The following GPR179 variants were observed in gnomAD, a reference collection of about 807,000 sequenced individuals.
GPR179 encodes probable G protein-coupled receptor 179.
Under a neutral mutation model 70.8 loss-of-function variants are expected in GPR179, and 52 were observed. That is an observed-to-expected ratio of 0.73 (90% CI 0.59 to 0.93). The LOEUF (loss-of-function observed/expected upper bound fraction) is 0.93, where lower values mean the gene tolerates loss of function less well. GPR179 is among the 40% of genes least tolerant of loss of function. The pLI is 0.00. For missense variants in GPR179, 2,734 were observed against 2,966.8 expected, an observed-to-expected ratio of 0.92 and a Z score of 1.82; for synonymous variants, 1,123 against 1,169.0, an observed-to-expected ratio of 0.96 and a Z score of 0.80.
At chr17:38,335,737 T>C (rs748951627) in intron 5 of GPR179, 37 bp from the exon 6 acceptor site, 1 of 1,388,424 alleles carries the variant, frequency 7.2e-7, no homozygotes, top group Admixed American at 1.7e-5. Context: ...CTCTCTACTA[T>C]GCTTCTGCTG....
rs756835390 is a variant in GPR179 at position 38,343,805 on chromosome 17, C to T, written c.-16G>A. On this transcript the variant is annotated 5_prime_UTR_variant, in exon 1 of 11. Transcript: ENST00000616987. This position sits in a 1 kb window ranked among gnomAD's most constrained non-coding sequence, Gnocchi z 4.2. ...TGGTGCCCATCCTTGGGGCAGCTCT[C>T]AGGACCCTGGGGTCCAGGCTCAGGA... 6.7e-7 allele frequency: 1 copy of T among 1,483,266 alleles called. No homozygotes were observed. Among genetic ancestry groups the T allele is most frequent in the South Asian group, 1.4e-5 (1 of 72,768 alleles). 91.9% of individuals were successfully genotyped at this position (1,483,266 alleles called of 1,614,324 possible).
intron 3 of GPR179, 39 bp from the exon 4 acceptor site, chr17:38,337,252 C>A: frequency 6.5e-7 from 1 of 1,545,470 alleles, no homozygotes; most frequent in Non-Finnish European, 8.7e-7. Flanking sequence ...AGGGGCCCAG[C>A]TAGAGCATCC....
Position 38,343,120 on chromosome 17 carries a change from T to G in GPR179, c.670A>C (p.Thr224Pro). 1 of 1,614,186 alleles carries G rather than the reference T, an allele frequency of 6.2e-7. No individual in the cohort carries two copies. The highest frequency in any genetic ancestry group is 8.5e-7 in the Non-Finnish European group (1 of 1,180,020). Residue 224 changes from threonine (T) to proline (P), a missense_variant, in exon 1 of 11, where the codon ACG (threonine) becomes CCG (proline). Transcript: ENST00000616987. This position sits in a 1 kb window ranked among gnomAD's most constrained non-coding sequence, Gnocchi z 4.2. ...GGAGGAGACAGCCTCACCTGCTGCG[T>G]GTCCCCCACATATCCATCTGCCTGC... is the stretch of plus-strand genomic sequence containing the variant. ...WPQADGYVGD[T>P]QQVRLSPPFL... is the part of the protein sequence containing the mutation.
intron 5 of GPR179, 143 bp from the exon 6 acceptor site, chr17:38,335,843 T>C: frequency 1.5e-6 from 1 of 677,840 alleles, no homozygotes; most frequent in Non-Finnish European, 2.7e-6. Flanking sequence ...AGCTGAAGTG[T>C]CAAAGAAGTT....
rs1321085217 is a variant in GPR179, at chr17:38,339,476, A to T, written c.844T>A (p.Cys282Ser). 1 of 1,613,954 alleles carries T rather than the reference A, an allele frequency of 6.2e-7. No homozygotes were observed. The highest frequency in any genetic ancestry group is 8.5e-7 in the Non-Finnish European group (1 of 1,179,994). Reference protein sequence around the residue: ...VDLQSVDINQCASGPGWYSNT... With the variant: ...VDLQSVDINQSASGPGWYSNT... Reference sequence around the variant, plus strand: ...GAGTACCAGCCTGGGCCACTTGCACACTGATTGATGTCCACACTCTGGAGA... The same window carrying T: ...GAGTACCAGCCTGGGCCACTTGCACTCTGATTGATGTCCACACTCTGGAGA... The change falls in exon 2 of 11, where the codon TGT becomes AGT. Residue 282 changes from cysteine to serine, a missense_variant. By Grantham distance (112) the Cys-to-Ser change is moderately radical (BLOSUM62 -1). Coordinates refer to ENST00000616987, the MANE Select transcript of GPR179 (RefSeq NM_001004334.4).
chr17:38,338,900 A>T (rs775102290), intron 2 of GPR179, among the ~76,000 whole-genome samples: 2 of 152,128 alleles, frequency 1.3e-5, no homozygotes, highest in Non-Finnish European at 2.9e-5. Context: ...GTTCCATCAC[A>T]TTCACTGGTC....
intron 1 of GPR179, among the ~76,000 whole-genome samples, chr17:38,340,713 T>C (rs375278430): frequency 2.6e-5 from 4 of 151,422 alleles, no homozygotes; most frequent in East Asian, 3.9e-4. Flanking sequence ...AGACCAGGAG[T>C]TCGAGACCAG....
At position 38,327,461 on chromosome 17, in the gene GPR179, A is replaced by G; in HGVS notation, c.6108T>C (p.Asp2036=). Reference sequence around the variant, plus strand: ...TCTCTTCTTGAGAGTCCCCTTTTCCATCCTGCCTTGACACCCCTTTGACAG... The same window carrying G: ...TCTCTTCTTGAGAGTCCCCTTTTCCGTCCTGCCTTGACACCCCTTTGACAG... The part of the protein sequence containing the change: ...RIPVKGVSRQ[D]GKGDSQEEKG... The change falls in exon 11 of 11, where the codon GAT becomes GAC. Residue 2036 remains aspartate, a synonymous_variant. Coordinates refer to ENST00000616987, the MANE Select transcript of GPR179 (RefSeq NM_001004334.4). 6.2e-7 allele frequency: 1 copy of G among 1,613,918 alleles called. No individual in the cohort carries two copies. Among genetic ancestry groups the G allele is most frequent in the Non-Finnish European group, 8.5e-7 (1 of 1,179,980 alleles).
intron 1 of GPR179, among the ~76,000 whole-genome samples, chr17:38,342,117 G>A (rs1038706074): frequency 1.4e-5 from 2 of 146,502 alleles, no homozygotes; most frequent in African/African-American, 2.5e-5. Context: ...ACTCTGTCTT[G>A]AAAAAAAAAA....
chr17:38,335,607 T>C lies in GPR179; in HGVS notation c.1390A>G (p.Ile464Val), dbSNP rs574344736. 1.2e-6 allele frequency: 2 copies of C among 1,612,958 alleles called. No individual in the cohort carries two copies. Among genetic ancestry groups the C allele is most frequent in the African/African-American group, 1.3e-5 (1 of 74,990 alleles). ...LGFAIVYGTIILKLYRVLQLF... is the reference protein window; with the variant it reads ...LGFAIVYGTIVLKLYRVLQLF... The stretch of plus-strand genomic sequence containing the variant: ...AGGCCGTACCTGTAAAGCTTGAGTA[T>C]GATGGTGCCGTAGACGATGGCAAAA... The change falls in exon 6 of 11, where the codon ATA (isoleucine) becomes GTA (valine). Residue 464 changes from isoleucine to valine, a missense_variant. Ile to Val is a conservative substitution (Grantham distance 29). Transcript: ENST00000616987.
At position 38,326,883 on chromosome 17, in the gene GPR179, G is replaced by C; in HGVS notation, c.6686C>G (p.Pro2229Arg). Residue 2229 changes from proline (P) to arginine (R), a missense_variant, in exon 11 of 11, where the codon CCA becomes CGA. By Grantham distance (103) the Pro-to-Arg change is moderately radical (BLOSUM62 -2). Transcript: ENST00000616987. ...GGTACCCTTTATTTTATTTCCTTCTGGATCTGTGATTTCCCATTGGCACAG... is the reference window on the plus strand; with the variant it reads ...GGTACCCTTTATTTTATTTCCTTCTCGATCTGTGATTTCCCATTGGCACAG... ...AELCQWEITDPEGNKIKGTMA... is the reference protein window; with the variant it reads ...AELCQWEITDREGNKIKGTMA... 4 of 1,614,116 alleles carry C rather than the reference G, an allele frequency of 2.5e-6. No homozygotes were observed. In the South Asian group the frequency reaches 3.3e-5, roughly 13 times the overall value.
chr17:38,331,295 G>A lies in GPR179; in HGVS notation c.2274C>T (p.Ser758=), dbSNP rs1421324604. ...CTGGTGTCCCCTCGGGTTCCTGGAG[G>A]CTGGAGCTGAGGAGCCGGCGGCGGG... The part of the protein sequence containing the change: ...GSSRRRLLSS[S]LQEPEGTPAL... The change falls in exon 11 of 11, where the codon AGC becomes AGT. Residue 758 remains serine, a synonymous_variant. Transcript: ENST00000616987. The A allele has an allele frequency of 1.2e-6, 2 of 1,601,204 alleles. No homozygotes were observed. The highest frequency in any genetic ancestry group is 1.3e-5 in the African/African-American group (1 of 74,854).
At position 38,325,260 on chromosome 17, in the gene GPR179, A is replaced by G. The variant is rs889796254; in HGVS notation, c.*1205T>C. Among the ~76,000 whole-genome samples, 6 of 152,192 alleles carry G rather than the reference A, an allele frequency of 3.9e-5. No individual in the cohort carries two copies. Among genetic ancestry groups the G allele is most frequent in the African/African-American group, 1.4e-4 (6 of 41,452 alleles). On this transcript the variant is annotated 3_prime_UTR_variant, in exon 11 of 11. Coordinates refer to ENST00000616987, the MANE Select transcript of GPR179 (RefSeq NM_001004334.4). The stretch of plus-strand genomic sequence containing the variant: ...ACGAGAGAAGGGAGCCAAGAAAGAG[A>G]GAGCTCCCTAAGAAAGAAGGCTTTG...
At position 38,328,450 on chromosome 17, in the gene GPR179, A is replaced by G. The variant is rs769294419; in HGVS notation, c.5119T>C (p.Trp1707Arg). The G allele has an allele frequency of 1.9e-6, 3 of 1,614,062 alleles. No homozygotes were observed. The highest frequency in any genetic ancestry group is 3.3e-5 in the Admixed American group (2 of 59,996). Residue 1707 changes from tryptophan (W) to arginine (R), a missense_variant, in exon 11 of 11, where the codon TGG (tryptophan) becomes CGG (arginine). By Grantham distance (101) the Trp-to-Arg change is moderately radical (BLOSUM62 -3). Transcript: ENST00000616987. ...LTAGKAEICP[W>R]EVGAGAGEER... is the part of the protein sequence containing the mutation. ...TCCCCTGCTCCAGCACCCACCTCCC[A>G]GGGACAGATTTCTGCCTTCCCAGCA... is the stretch of plus-strand genomic sequence containing the variant.
Position 38,335,279 on chromosome 17 carries a change from G to T in GPR179, c.1407-8C>A. Reference sequence around the variant, plus strand: ...AGAAACAGCTGCAGCACTCTGCGAGGGTTAGAATACACAGGGTGGATGGCA... The same window carrying T: ...AGAAACAGCTGCAGCACTCTGCGAGTGTTAGAATACACAGGGTGGATGGCA... On this transcript the variant is annotated splice_region_variant and splice_polypyrimidine_tract_variant and intron_variant, in intron 6 of 10. Coordinates refer to ENST00000616987, the MANE Select transcript of GPR179 (RefSeq NM_001004334.4). 1 of 1,544,316 alleles carries T rather than the reference G, an allele frequency of 6.5e-7. No individual in the cohort carries two copies. The highest frequency in any genetic ancestry group is 8.8e-7 in the Non-Finnish European group (1 of 1,141,968).
chr17:38,335,123 G>A lies in GPR179; in HGVS notation c.1555C>T (p.His519Tyr). 6.2e-7 allele frequency: 1 copy of A among 1,607,696 alleles called. No homozygotes were observed. The highest frequency in any genetic ancestry group is 8.5e-7 in the Non-Finnish European group (1 of 1,177,394). Residue 519 changes from histidine to tyrosine, a missense_variant, in exon 7 of 11, where the codon CAC becomes TAC. Transcript: ENST00000616987. ...TGGCCTCGGATCACCAGAGGTGCGT[G>A]CTGGATGCCTCGCTCCAGGGCGCCC... ...TVGALERGIQ[H>Y]APLVIRGHTP...
At chr17:38,336,858 T>C in intron 4 of GPR179, 120 bp downstream of exon 4, 1 of 1,029,622 alleles carries the variant, frequency 9.7e-7, no homozygotes, top group South Asian at 1.6e-5. Context: ...TGCTACACAG[T>C]GAGTTAGATT....
Position 38,331,543 on chromosome 17 carries a change from C to G in GPR179, c.2038-12G>C, listed in dbSNP as rs1401766102. 4.4e-6 allele frequency: 7 copies of G among 1,588,708 alleles called. No individual in the cohort carries two copies. The highest frequency in any genetic ancestry group is 6.0e-6 in the Non-Finnish European group (7 of 1,164,164). On this transcript the variant is annotated splice_polypyrimidine_tract_variant and intron_variant, in intron 10 of 10. Coordinates refer to ENST00000616987, the MANE Select transcript of GPR179 (RefSeq NM_001004334.4). ...TTCTTCAGCTCGTCCTGTGGGGCAG[C>G]AGGGAGGAAAGCAGGGCTGCAGGTG...
intron 2 of GPR179, among the ~76,000 whole-genome samples, chr17:38,337,988 C>T (rs527594982): frequency 6.6e-6 from 1 of 152,350 alleles, no homozygotes; most frequent in East Asian, 1.9e-4. Context: ...CTGGCAGTGA[C>T]AGGAGCCTCA....
Sources: gnomAD v4.1 joint callset for allele counts (sites outside exome capture counted in the v4.1 genomes callset) on GRCh38, gnomAD v4.1.1 for gene constraint, Gnocchi (gnomAD v3.1) non-coding constraint, MANE v1.5 for transcripts, NCBI Gene and HGNC (gene_info 2026-07-23, HGNC 2026-07-21) for gene names.